Variants in DNAH9 observed in about 807,000 individuals in gnomAD.
DNAH9 encodes DNAH9 variant protein.
A neutral mutation model predicts 471.6 loss-of-function variants in DNAH9; 345 were observed. The observed-to-expected ratio is 0.73, with a 90% confidence interval of 0.67 to 0.80. The LOEUF (loss-of-function observed/expected upper bound fraction) is 0.80, where lower values mean the gene tolerates loss of function less well. Among genes scored for constraint, DNAH9 ranks in the 30% least tolerant of loss-of-function variants. DNAH9 has a pLI of 0.00. For synonymous variants in DNAH9, 2,093 were observed against 2,123.6 expected, an observed-to-expected ratio of 0.99 and a Z score of 0.40; for missense variants, 5,407 against 5,609.2, an observed-to-expected ratio of 0.96 and a Z score of 1.15.
At chr17:11,909,032 T>G (rs987458817) in intron 61 of DNAH9, among the ~76,000 whole-genome samples, 3 of 152,244 alleles carry the variant, frequency 2.0e-5, no homozygotes, top group Admixed American at 6.5e-5. Context: ...TGGAGTCTTT[T>G]GCTAAGATGG....
intron 3 of DNAH9, among the ~76,000 whole-genome samples, chr17:11,610,838 T>G (rs1037712846): frequency 6.6e-6 from 1 of 152,228 alleles, no homozygotes; most frequent in Admixed American, 6.5e-5. Context: ...TATGTAAAAT[T>G]AATCAACTCT....
In DNAH9 at chr17:11,744,920, A is replaced by G. The variant is rs199667533; in HGVS notation, c.6235A>G (p.Ile2079Val). 382 of 1,614,030 alleles carry G rather than the reference A, an allele frequency of 2.4e-4. No homozygotes were observed. Among genetic ancestry groups the G allele is most frequent in the Middle Eastern group, 1.2e-3 (7 of 6,084 alleles). ...GATGCGCTCCTTGCGGGATTTCAAC[A>G]TCCCCAAGATTGTGACTGATGACAT... ...VLMRSLRDFN[I>V]PKIVTDDMPI... is the part of the protein sequence containing the mutation. The change falls in exon 31 of 69, where the codon ATC becomes GTC. Residue 2079 changes from isoleucine (I) to valine (V), a missense_variant. By Grantham distance (29) the Ile-to-Val change is conservative. Around this residue, in one of 3 missense-constraint regions of DNAH9, gnomAD observed 4,636 missense variants for 4,900.3 expected, o/e 0.95. Transcript: ENST00000262442.
At chr17:11,923,586 C>T (rs935774176) in intron 61 of DNAH9, among the ~76,000 whole-genome samples, 3 of 152,220 alleles carry the variant, frequency 2.0e-5, no homozygotes, top group East Asian at 1.9e-4. Context: ...GCTGGGATTA[C>T]AGGCATGAGC....
chr17:11,834,785 G>A lies in DNAH9; in HGVS notation c.9394G>A (p.Val3132Met). ...KAMADEEEQK[V>M]AVIMLEVKQK... ...CATGGCAGATGAAGAGGAGCAGAAGGTGGCCGTCATCATGCTAGAGGTGAA... is the reference window on the plus strand; with the variant it reads ...CATGGCAGATGAAGAGGAGCAGAAGATGGCCGTCATCATGCTAGAGGTGAA... Residue 3132 changes from valine to methionine, a missense_variant, in exon 49 of 69, where the codon GTG (valine) becomes ATG (methionine). Physicochemically the swap from Val to Met is conservative, Grantham distance 21. This residue lies in a region of DNAH9 where 4,636 missense variants were observed against 4,900.3 expected (regional missense o/e 0.95). Transcript: ENST00000262442. 6.2e-7 allele frequency: 1 copy of A among 1,614,144 alleles called. No individual in the cohort carries two copies. Among genetic ancestry groups the A allele is most frequent in the Non-Finnish European group, 8.5e-7 (1 of 1,180,026 alleles).
At position 11,834,781 on chromosome 17, in the gene DNAH9, G is replaced by A. The variant is rs766336669; in HGVS notation, c.9390G>A (p.Gln3130=). The change falls in exon 49 of 69, where the codon CAG becomes CAA. Residue 3130 remains glutamine (Q), a synonymous_variant. Transcript: ENST00000262442. ...REKAMADEEE[Q]KVAVIMLEVK... The stretch of plus-strand genomic sequence containing the variant: ...AAGCCATGGCAGATGAAGAGGAGCA[G>A]AAGGTGGCCGTCATCATGCTAGAGG... 110 of 1,614,024 alleles carry A rather than the reference G, an allele frequency of 6.8e-5. No individual in the cohort carries two copies. The Admixed American group carries it at 1.1e-3, about 16-fold the overall frequency.
At chr17:11,923,171 G>A (rs1040520774) in intron 61 of DNAH9, among the ~76,000 whole-genome samples, 3 of 152,220 alleles carry the variant, frequency 2.0e-5, no homozygotes, top group Admixed American at 6.5e-5. Flanking sequence ...CGCCTCCTGG[G>A]TTCAAGTGAT....
At chr17:11,710,784 T>A (rs1195739460) in intron 26 of DNAH9, among the ~76,000 whole-genome samples, 2 of 152,232 alleles carry the variant, frequency 1.3e-5, no homozygotes, top group Non-Finnish European at 2.9e-5. Context: ...TTAACCTGTT[T>A]TAATCATTTA....
chr17:11,690,138 A>T lies in DNAH9; in HGVS notation c.4316A>T (p.Glu1439Val). The change falls in exon 20 of 69, where the codon GAG (glutamate) becomes GTG (valine). Residue 1439 changes from glutamate (E) to valine (V), a missense_variant. This residue lies in a region of DNAH9 where 4,636 missense variants were observed against 4,900.3 expected (regional missense o/e 0.95). Transcript: ENST00000262442. ...KEMGMEKTLK[E>V]LQTTWAGMEF... ...ATGGGTATGGAGAAAACCTTAAAGGAGCTGCAGACTACCTGGGCTGGCATG... is the reference window on the plus strand; with the variant it reads ...ATGGGTATGGAGAAAACCTTAAAGGTGCTGCAGACTACCTGGGCTGGCATG... 6.2e-7 allele frequency: 1 copy of T among 1,614,218 alleles called. No homozygotes were observed. The highest frequency in any genetic ancestry group is 8.5e-7 in the Non-Finnish European group (1 of 1,180,042).
chr17:11,689,509 G>A (rs1053461667), intron 19 of DNAH9, 57 bp from the exon 20 acceptor site: 1 of 1,462,390 alleles, frequency 6.8e-7, no homozygotes. Context: ...CCTTAGAGAT[G>A]CTAGGAGATG....
intron 51 of DNAH9, 34 bp from the exon 52 acceptor site, chr17:11,871,564 C>T (rs370367072): frequency 5.9e-5 from 95 of 1,598,792 alleles, no homozygotes; most frequent in African/African-American, 1.3e-4. Flanking sequence ...CTGTGTAACA[C>T]GCCTCCTCTC....
chr17:11,960,929 C>T (rs755588549), intron 67 of DNAH9, among the ~76,000 whole-genome samples: 18 of 152,180 alleles, frequency 1.2e-4, no homozygotes, highest in Non-Finnish European at 2.2e-4. Context: ...GGTGCCCTAA[C>T]ACCTATTACA....
At position 11,784,309 on chromosome 17, in the gene DNAH9, A is replaced by C; in HGVS notation, c.7831A>C (p.Ser2611Arg). Reference sequence around the variant, plus strand: ...TTTGTTTCCTGTACAGCGTCACTTCAGCGTGTTTGTCCTCTCCTTCCCGGG... The same window carrying C: ...TTTGTTTCCTGTACAGCGTCACTTCCGCGTGTTTGTCCTCTCCTTCCCGGG... Reference protein sequence around the residue: ...TINPRLQRHFSVFVLSFPGAD... With the variant: ...TINPRLQRHFRVFVLSFPGAD... Residue 2611 changes from serine to arginine, a missense_variant, in exon 41 of 69, where the codon AGC (serine) becomes CGC (arginine). Physicochemically the swap from Ser to Arg is moderately radical, Grantham distance 110. Transcript: ENST00000262442. 6.2e-7 allele frequency: 1 copy of C among 1,614,180 alleles called. No individual in the cohort carries two copies. The highest frequency in any genetic ancestry group is 8.5e-7 in the Non-Finnish European group (1 of 1,180,024).
chr17:11,811,648 A>T (rs1042279213), intron 45 of DNAH9, among the ~76,000 whole-genome samples: 2 of 152,138 alleles, frequency 1.3e-5, no homozygotes, highest in African/African-American at 4.8e-5. Flanking sequence ...GACCTGGTTT[A>T]TCTGTCTTAC....
chr17:11,952,644 C>T (rs749827059), intron 67 of DNAH9, among the ~76,000 whole-genome samples: 1 of 152,032 alleles, frequency 6.6e-6, no homozygotes, highest in Non-Finnish European at 1.5e-5. Context: ...AGGTAGTTTC[C>T]CCATAAAGCA....
chr17:11,954,789 G>A (rs201028775), intron 67 of DNAH9, among the ~76,000 whole-genome samples: 1,119 of 97,750 alleles, frequency 0.011, 17 homozygotes, highest in African/African-American at 0.037. Context: ...AAAAAAAAAA[G>A]AGAGAGAAAG....
At chr17:11,863,397 T>C (rs1971929397) in intron 50 of DNAH9, among the ~76,000 whole-genome samples, 1 of 152,142 alleles carries the variant, frequency 6.6e-6, no homozygotes, top group Non-Finnish European at 1.5e-5. Context: ...GATAAGCTTT[T>C]TGATGTGCTG....
At chr17:11,646,501 A>G (rs1316823681) in intron 11 of DNAH9, among the ~76,000 whole-genome samples, 1 of 152,198 alleles carries the variant, frequency 6.6e-6, no homozygotes, top group Non-Finnish European at 1.5e-5. Context: ...GTGAGAGCGA[A>G]TCTTCCCCAG....
rs1402925842 is a variant in DNAH9, at chr17:11,822,033, T to C, written c.8821T>C (p.Phe2941Leu). 2 of 1,613,832 alleles carry C rather than the reference T, an allele frequency of 1.2e-6. No homozygotes were observed. The highest frequency in any genetic ancestry group is 1.7e-6 in the Non-Finnish European group (2 of 1,179,976). The change falls in exon 46 of 69, where the codon TTT (phenylalanine) becomes CTT (leucine). Residue 2941 changes from phenylalanine to leucine, a missense_variant. Physicochemically the swap from Phe to Leu is conservative, Grantham distance 22. Transcript: ENST00000262442. ...VDNRENCWKF[F>L]IDRIRRQLKV... Reference sequence around the variant, plus strand: ...CAACAGAGAGAACTGTTGGAAGTTCTTTATAGATCGGATCCGGCGACAGCT... The same window carrying C: ...CAACAGAGAGAACTGTTGGAAGTTCCTTATAGATCGGATCCGGCGACAGCT...
rs1379995979 is a variant in DNAH9 at position 11,626,962 on chromosome 17, C to T, written c.1351-2455C>T. Among the ~76,000 whole-genome samples, 1 of 152,098 alleles carries T rather than the reference C, an allele frequency of 6.6e-6. No homozygotes were observed. Among genetic ancestry groups the T allele is most frequent in the East Asian group, 1.9e-4 (1 of 5,180 alleles). ...TGGAAATACCGAGATACCTTTGGGG[C>T]ATTTACAACTTACTGGACAGAAAAT... On this transcript the variant is annotated intron_variant, in intron 6 of 68. Transcript: ENST00000262442. This position sits in a 1 kb window ranked among gnomAD's most constrained non-coding sequence, Gnocchi z 4.3.
Sources: gnomAD v4.1 joint callset for allele counts (sites outside exome capture counted in the v4.1 genomes callset) on GRCh38, gnomAD v4.1.1 for gene constraint, gnomAD v4.1.1 regional missense constraint, Gnocchi (gnomAD v3.1) non-coding constraint, MANE v1.5 for transcripts, NCBI Gene and HGNC (gene_info 2026-07-23, HGNC 2026-07-21) for gene names.